Variants in CACNA2D3 observed in about 807,000 individuals in gnomAD.
CACNA2D3 encodes the protein voltage-dependent calcium channel subunit alpha-2/delta-3.
A neutral mutation model predicts 160.6 loss-of-function variants in CACNA2D3; 60 were observed. The ratio of observed to expected loss-of-function variants is 0.37; its 90% CI spans 0.30 to 0.46. The LOEUF is 0.46. Ranked by LOEUF, CACNA2D3 falls within the 20% of genes least tolerant of loss-of-function variation. The pLI is 1.00. For missense variants in CACNA2D3, 1,205 were observed against 1,365.0 expected, an observed-to-expected ratio of 0.88 and a Z score of 1.85; for synonymous variants, 558 against 492.9, an observed-to-expected ratio of 1.13 and a Z score of -1.75.
At chr3:54,260,881 A>G (rs1048202782) in intron 2 of CACNA2D3, among the ~76,000 whole-genome samples, 3 of 152,160 alleles carry the variant, frequency 2.0e-5, no homozygotes, top group African/African-American at 2.4e-5. Flanking sequence ...TAACCAGGCA[A>G]TCTAAAGTCT....
At chr3:54,472,987 C>A (rs1700762998) in intron 4 of CACNA2D3, among the ~76,000 whole-genome samples, 1 of 152,168 alleles carries the variant, frequency 6.6e-6, no homozygotes, top group African/African-American at 2.4e-5. Context: ...AGCGCTGTCC[C>A]CATCAAGCTA....
At chr3:54,610,345 G>A (rs895681395) in intron 9 of CACNA2D3, among the ~76,000 whole-genome samples, 3 of 151,916 alleles carry the variant, frequency 2.0e-5, no homozygotes, top group Non-Finnish European at 2.9e-5. Flanking sequence ...GTTACTTTTC[G>A]TTTTTGCTTC....
chr3:54,301,131 T>C (rs7615455), intron 2 of CACNA2D3, among the ~76,000 whole-genome samples: 36,289 of 151,546 alleles, frequency 0.24, 4,527 homozygotes, highest in South Asian at 0.34. Flanking sequence ...GTGGTGCAGA[T>C]GTGTAGTCCC....
At chr3:54,832,476 C>T (rs947758378) in intron 14 of CACNA2D3, among the ~76,000 whole-genome samples, 3 of 152,180 alleles carry the variant, frequency 2.0e-5, no homozygotes, top group African/African-American at 7.2e-5. Flanking sequence ...AAGATGTCTA[C>T]CCCTGCATTG....
At chr3:55,014,527 G>A (rs554912375) in intron 34 of CACNA2D3, among the ~76,000 whole-genome samples, 3 of 152,130 alleles carry the variant, frequency 2.0e-5, no homozygotes, top group Non-Finnish European at 2.9e-5. Context: ...CCAGGAGTTC[G>A]AGACTAGCCT....
At chr3:54,299,391 G>A (rs1001090388) in intron 2 of CACNA2D3, among the ~76,000 whole-genome samples, 8 of 152,156 alleles carry the variant, frequency 5.3e-5, no homozygotes, top group African/African-American at 1.9e-4. Context: ...GGCAAGGGGA[G>A]TGTTTGCGCA....
chr3:54,822,642 A>G (rs1022552149), intron 14 of CACNA2D3, among the ~76,000 whole-genome samples: 22 of 152,300 alleles, frequency 1.4e-4, no homozygotes, highest in Admixed American at 8.5e-4. Flanking sequence ...AGGACAGCAT[A>G]TAGGCACTCC....
chr3:54,429,728 TA>T (rs35445379), intron 4 of CACNA2D3, among the ~76,000 whole-genome samples: 1 of 152,198 alleles, frequency 6.6e-6, no homozygotes, highest in African/African-American at 2.4e-5. Flanking sequence ...TGAAGCCCCC[TA>T]AAATGTGAAG....
chr3:54,183,593 A>G lies in CACNA2D3; in HGVS notation c.204+59999A>G, dbSNP rs576250562. 3.9e-5 allele frequency among the ~76,000 whole-genome samples: 6 copies of G among 152,194 alleles called. No homozygotes were observed. The South Asian group carries it at 1.2e-3, about 32-fold the overall frequency. Reference sequence around the variant, plus strand: ...CTAGGTTCACATTTGCCTGAGTTTAATAAGAGCCTGGCTGGGTACGGTAGC... The same window carrying G: ...CTAGGTTCACATTTGCCTGAGTTTAGTAAGAGCCTGGCTGGGTACGGTAGC... On this transcript the variant is annotated intron_variant, in intron 2 of 37. Transcript: ENST00000474759.
At chr3:54,451,601 C>T (rs188668070) in intron 4 of CACNA2D3, among the ~76,000 whole-genome samples, 10 of 152,198 alleles carry the variant, frequency 6.6e-5, no homozygotes, top group East Asian at 5.8e-4. Flanking sequence ...TGTACAGTTA[C>T]GCTCTTGGTG....
At chr3:54,536,206 C>T (rs1013622717) in intron 5 of CACNA2D3, among the ~76,000 whole-genome samples, 5 of 152,092 alleles carry the variant, frequency 3.3e-5, no homozygotes, top group African/African-American at 7.2e-5. Context: ...AGTGGCATGC[C>T]GCATACACGA....
Position 54,923,079 on chromosome 3 carries a change from C to G in CACNA2D3, c.2449+23211C>G, listed in dbSNP as rs574354804. Among the ~76,000 whole-genome samples the G allele has an allele frequency of 4.6e-5, 7 of 152,298 alleles. 1 individual carries two copies. Among genetic ancestry groups the G allele is most frequent in the African/African-American group, 1.7e-4 (7 of 41,562 alleles). On this transcript the variant is annotated intron_variant, in intron 27 of 37. Coordinates refer to ENST00000474759, the MANE Select transcript of CACNA2D3 (RefSeq NM_018398.3). ...CTTCTCCCTCATCTCCCTGGTTCTTCTTCTGCAGCCTTTCGTCAGTTCTCC... is the reference window on the plus strand; with the variant it reads ...CTTCTCCCTCATCTCCCTGGTTCTTGTTCTGCAGCCTTTCGTCAGTTCTCC...
chr3:54,364,106 G>T (rs1698789540), intron 3 of CACNA2D3, among the ~76,000 whole-genome samples: 1 of 152,208 alleles, frequency 6.6e-6, no homozygotes. Flanking sequence ...AGAGGGTTTG[G>T]TATGCGCTGG....
At chr3:54,691,038 G>A (rs772830184) in intron 11 of CACNA2D3, among the ~76,000 whole-genome samples, 65 of 152,140 alleles carry the variant, frequency 4.3e-4, no homozygotes, top group Admixed American at 2.0e-4. Flanking sequence ...TTGTGTGTGC[G>A]TGTGTCTGTG....
chr3:54,359,082 A>G (rs1345202691), intron 3 of CACNA2D3, among the ~76,000 whole-genome samples: 1 of 152,070 alleles, frequency 6.6e-6, no homozygotes, highest in East Asian at 1.9e-4. Flanking sequence ...TATGGGAGAA[A>G]TGACCTCTTA....
chr3:54,890,994 G>T (rs1226450167), intron 24 of CACNA2D3, among the ~76,000 whole-genome samples: 1 of 152,166 alleles, frequency 6.6e-6, no homozygotes, highest in Non-Finnish European at 1.5e-5. Context: ...GCCCTAACTG[G>T]CTAGTCCTTC....
At chr3:54,879,321 C>G (rs1470934176) in intron 19 of CACNA2D3, 29 bp from the exon 20 acceptor site, 2 of 1,506,422 alleles carry the variant, frequency 1.3e-6, no homozygotes, top group Non-Finnish European at 1.8e-6. Context: ...TTTCTTTTCT[C>G]TACGACTTTT....
intron 5 of CACNA2D3, among the ~76,000 whole-genome samples, chr3:54,541,574 A>G (rs111274379): frequency 9.8e-5 from 15 of 152,308 alleles, no homozygotes; most frequent in African/African-American, 3.6e-4. Context: ...TGGTGGTGGT[A>G]GCTTTGTTAT....
Position 54,822,791 on chromosome 3 carries a change from C to CT in CACNA2D3, c.1398+5924dup, listed in dbSNP as rs1559595620. Reference sequence around the variant, plus strand: ...CTTTCTTTCTTTCTTTCTTTCTTTCCTTTCTTTCTTTCTTTCTTTCTTTCT... The same window carrying CT: ...CTTTCTTTCTTTCTTTCTTTCTTTCCTTTTCTTTCTTTCTTTCTTTCTTTCT... On this transcript the variant is annotated intron_variant, in intron 14 of 37. Coordinates refer to ENST00000474759, the MANE Select transcript of CACNA2D3 (RefSeq NM_018398.3). Among the ~76,000 whole-genome samples the CT allele has an allele frequency of 9.4e-3, 416 of 44,342 alleles. 6 individuals are homozygous for CT. Among genetic ancestry groups the CT allele is most frequent in the East Asian group, 0.033 (36 of 1,100 alleles). The allele number at this position is 44,342 out of a possible 152,430, so 29.1% of individuals were successfully genotyped here. A position where few individuals can be genotyped will look rare whatever the true frequency, so the allele number is the denominator to read the frequency against.
Sources: gnomAD v4.1 joint callset for allele counts (sites outside exome capture counted in the v4.1 genomes callset) on GRCh38, gnomAD v4.1.1 for gene constraint, MANE v1.5 for transcripts, NCBI Gene and HGNC (gene_info 2026-07-23, HGNC 2026-07-21) for gene names.